SORT1: variants seen among roughly 807,000 people sequenced by gnomAD.
SORT1 encodes the protein sortilin.
Under a neutral mutation model 101.7 loss-of-function variants are expected in SORT1, and 39 were observed. The observed-to-expected ratio is 0.38, with a 90% CI of 0.30 to 0.50. The LOEUF is 0.50. Ranked by LOEUF, SORT1 falls within the 20% of genes least tolerant of loss-of-function variation. The probability of loss-of-function intolerance (pLI) is 0.90; values close to 1 mark genes in which losing one functional copy is unlikely to be tolerated. For missense variants in SORT1, 878 were observed against 1,040.4 expected (o/e 0.84, Z 2.15); for synonymous variants, 396 against 393.7 (o/e 1.01, Z -0.07).
At chr1:109,354,137 T>TA (rs1650148967) in intron 5 of SORT1, among the ~76,000 whole-genome samples, 1 of 152,136 alleles carries the variant, frequency 6.6e-6, no homozygotes, top group South Asian at 2.1e-4. Context: ...TTTAGTCACT[T>TA]AAAAAAATTA....
intron 11 of SORT1, among the ~76,000 whole-genome samples, chr1:109,334,591 T>C (rs1226094135): frequency 6.6e-6 from 1 of 152,198 alleles, no homozygotes; most frequent in Non-Finnish European, 1.5e-5. Flanking sequence ...AATAAGCTTC[T>C]GAGGGAAAAT....
At chr1:109,333,761 G>A (rs1648613543) in intron 11 of SORT1, among the ~76,000 whole-genome samples, 1 of 152,140 alleles carries the variant, frequency 6.6e-6, no homozygotes, top group Admixed American at 6.6e-5. Flanking sequence ...TATTGGCAAG[G>A]ACATGGAAAA....
At position 109,378,698 on chromosome 1, in the gene SORT1, TGATATATATATA is replaced by T. The variant is rs1359453404; in HGVS notation, c.307-9121_307-9110del. ...TCCAGCCAACAGAAGGTAGAGTGAATGATATATATATATATATATATATATATATATATATAT... is the reference window on the plus strand; with the variant it reads ...TCCAGCCAACAGAAGGTAGAGTGAATTATATATATATATATATATATATAT... On this transcript the variant is annotated intron_variant, in intron 1 of 19. Coordinates refer to ENST00000256637, the MANE Select transcript of SORT1 (RefSeq NM_002959.7). Among the ~76,000 whole-genome samples the T allele has an allele frequency of 1.8e-3, 110 of 62,162 alleles. 1 individual carries two copies. Among genetic ancestry groups the T allele is most frequent in the African/African-American group, 4.1e-3 (61 of 15,036 alleles). The allele number at this position is 62,162 out of a possible 152,430, so 40.8% of individuals were successfully genotyped here.
chr1:109,340,894 C>A lies in SORT1; in HGVS notation c.1109-15G>T, dbSNP rs371658601. 2.5e-6 allele frequency: 4 copies of A among 1,596,248 alleles called. No individual in the cohort carries two copies. The highest frequency in any genetic ancestry group is 2.7e-5 in the African/African-American group (2 of 74,266). On this transcript the variant is annotated splice_polypyrimidine_tract_variant and intron_variant, in intron 9 of 19. Transcript: ENST00000256637. ...AAACCCAGTGTCTGAAATAGGCAAA[C>A]AAACAAAAATACTAAGTCTTGGGTG...
intron 11 of SORT1, among the ~76,000 whole-genome samples, chr1:109,328,249 T>C (rs1429605953): frequency 6.6e-6 from 1 of 152,256 alleles, no homozygotes; most frequent in Non-Finnish European, 1.5e-5. Flanking sequence ...CTTTTGGATG[T>C]ATAATCCAGA....
At chr1:109,330,412 G>A (rs1174224259) in intron 11 of SORT1, among the ~76,000 whole-genome samples, 2 of 76,022 alleles carry the variant, frequency 2.6e-5, no homozygotes, top group Non-Finnish European at 6.0e-5. Context: ...GAGTCAAAGG[G>A]AAATAAAAAA....
intron 3 of SORT1, among the ~76,000 whole-genome samples, chr1:109,359,334 A>G (rs1650558122): frequency 6.6e-6 from 1 of 151,984 alleles, no homozygotes; most frequent in African/African-American, 2.4e-5. Context: ...ATACCATCGC[A>G]CTAGGGGTTA....
At chr1:109,352,144 A>T (rs1306794708) in intron 5 of SORT1, among the ~76,000 whole-genome samples, 1 of 152,204 alleles carries the variant, frequency 6.6e-6, no homozygotes, top group Admixed American at 6.5e-5. Flanking sequence ...GAGGAAGCTC[A>T]GTTTTAAATT....
At position 109,328,211 on chromosome 1, in the gene SORT1, A is replaced by G. The variant is rs927697386; in HGVS notation, c.1372-610T>C. 2.0e-5 allele frequency among the ~76,000 whole-genome samples: 3 copies of G among 152,364 alleles called. No homozygotes were observed. The South Asian group carries it at 6.2e-4, about 32-fold the overall frequency. On this transcript the variant is annotated intron_variant, in intron 11 of 19. Coordinates refer to ENST00000256637, the MANE Select transcript of SORT1 (RefSeq NM_002959.7). The stretch of plus-strand genomic sequence containing the variant: ...TGTTGCTATGTACATGGTTGTACAA[A>G]TATCTTTTTGAGAACCTGCTTTCAA...
chr1:109,339,652 C>T (rs367764030), intron 10 of SORT1, among the ~76,000 whole-genome samples: 9 of 152,266 alleles, frequency 5.9e-5, no homozygotes, highest in Non-Finnish European at 1.2e-4. Flanking sequence ...TAAAATGGTA[C>T]AACCATGTGG....
At chr1:109,317,151 G>A (rs1028475239) in intron 16 of SORT1, among the ~76,000 whole-genome samples, 193 bp from the exon 17 acceptor site, 17 of 152,236 alleles carry the variant, frequency 1.1e-4, no homozygotes, top group African/African-American at 4.1e-4. Context: ...AGCAAACTAA[G>A]CATCTCTGTC....
At position 109,345,875 on chromosome 1, in the gene SORT1, T is replaced by C. The variant is rs1037416008; in HGVS notation, c.839A>G (p.Asp280Gly). Reference protein sequence around the residue: ...TTYANGSCKADLGALELWRTS... With the variant: ...TTYANGSCKAGLGALELWRTS... ...TCTCCATAATTCCAGAGCCCCAAGG[T>C]CAGCTTCTTAAACAAGACAAAATAT... The change falls in exon 8 of 20, where the codon GAC becomes GGC. Residue 280 changes from aspartate to glycine, a missense_variant. By Grantham distance (94) the Asp-to-Gly change is moderately conservative. Transcript: ENST00000256637. 25 of 1,611,574 alleles carry C rather than the reference T, an allele frequency of 1.6e-5. No homozygotes were observed. Among genetic ancestry groups the C allele is most frequent in the African/African-American group, 4.0e-5 (3 of 74,718 alleles).
chr1:109,342,279 T>A, intron 8 of SORT1, 121 bp from the exon 9 acceptor site: 1 of 757,224 alleles, frequency 1.3e-6, no homozygotes, highest in East Asian at 2.7e-5. Context: ...ACGATTGCTA[T>A]GAATGAAAGG....
At chr1:109,379,854 A>G (rs1356949272) in intron 1 of SORT1, among the ~76,000 whole-genome samples, 1 of 152,218 alleles carries the variant, frequency 6.6e-6, no homozygotes, top group Non-Finnish European at 1.5e-5. Flanking sequence ...TGGTATAAGA[A>G]CACTGGAAAA....
At chr1:109,321,831 T>G (rs867441603) in intron 15 of SORT1, among the ~76,000 whole-genome samples, 15 of 152,182 alleles carry the variant, frequency 9.9e-5, no homozygotes, top group African/African-American at 3.4e-4. Flanking sequence ...TGCCCAAAAA[T>G]TACCTCATTT....
intron 10 of SORT1, among the ~76,000 whole-genome samples, chr1:109,338,178 C>T (rs1181795577): frequency 2.0e-5 from 3 of 152,260 alleles, no homozygotes; most frequent in Middle Eastern, 6.8e-3. Flanking sequence ...AAAAGTAATA[C>T]ATGAGTACAG....
At chr1:109,341,327 A>G (rs1649203249) in intron 9 of SORT1, among the ~76,000 whole-genome samples, 1 of 152,124 alleles carries the variant, frequency 6.6e-6, no homozygotes, top group African/African-American at 2.4e-5. Flanking sequence ...GAAAATGAAA[A>G]GGTAAACAAA....
intron 1 of SORT1, among the ~76,000 whole-genome samples, chr1:109,372,179 A>G (rs554264030): frequency 4.1e-4 from 62 of 152,236 alleles, no homozygotes; most frequent in Middle Eastern, 3.2e-3. Context: ...AAAGCCATCA[A>G]TCCTAATCCA....
chr1:109,369,083 G>A (rs547344422), intron 2 of SORT1, among the ~76,000 whole-genome samples: 2 of 152,302 alleles, frequency 1.3e-5, no homozygotes, highest in South Asian at 4.1e-4. Flanking sequence ...ACTTTTGGGA[G>A]GCTGAGGCGC....
Sources: allele counts gnomAD v4.1 joint callset (sites outside exome capture counted in the v4.1 genomes callset), GRCh38; gene constraint gnomAD v4.1.1; transcripts MANE v1.5; gene names NCBI Gene and HGNC (gene_info 2026-07-23, HGNC 2026-07-21).